Variants in KATNAL1 observed in about 807,000 individuals in gnomAD.
KATNAL1 encodes katanin catalytic subunit A1 like 1.
In KATNAL1, 32 loss-of-function variants were observed where a neutral mutation model predicts 55.2. The observed-to-expected ratio is 0.58, with a 90% CI of 0.44 to 0.78. KATNAL1 has a LOEUF of 0.78. KATNAL1 is among the 30% of genes least tolerant of loss of function. The pLI is 0.00. For missense variants in KATNAL1, 466 were observed against 600.9 expected (o/e 0.78, Z 2.35); for synonymous variants, 193 against 193.6 (o/e 1.00, Z 0.02).
In KATNAL1 at chr13:30,208,726, T is replaced by C; in HGVS notation, c.1287A>G (p.Leu429=). ...CATTGATACGCCGTCTCATTGCCAT[T>C]AAAGAGGCATCCCTAAAAATATACC... is the stretch of plus-strand genomic sequence containing the variant. ...DITNVCRDAS[L]MAMRRRINGL... is the part of the protein sequence containing the mutation. Residue 429 remains leucine, a synonymous_variant, in exon 11 of 11, where the codon TTA becomes TTG. Transcript: ENST00000380615. The C allele has an allele frequency of 2.5e-6, 4 of 1,608,498 alleles. No individual in the cohort carries two copies. Among genetic ancestry groups the C allele is most frequent in the Non-Finnish European group, 3.4e-6 (4 of 1,177,176 alleles).
chr13:30,242,624 G>A lies in KATNAL1; in HGVS notation c.493-1538C>T, dbSNP rs540758716. Among the ~76,000 whole-genome samples the A allele has an allele frequency of 3.3e-5, 5 of 152,226 alleles. No individual in the cohort carries two copies. The East Asian group carries it at 7.7e-4, about 23-fold the overall frequency. On this transcript the variant is annotated intron_variant, in intron 4 of 10. Coordinates refer to ENST00000380615, the MANE Select transcript of KATNAL1 (RefSeq NM_032116.5). ...GAAAGAGGTTGAAGATATGGGCAGA[G>A]GTGAGTTTGGATTTCTTCTGGCTCC...
At chr13:30,284,618 C>A (rs1423270768) in intron 1 of KATNAL1, among the ~76,000 whole-genome samples, 3 of 152,306 alleles carry the variant, frequency 2.0e-5, no homozygotes, top group Non-Finnish European at 4.4e-5. Flanking sequence ...TTGCCTCAAA[C>A]TTAAATCTAA....
chr13:30,248,982 G>A (rs1366641739), intron 4 of KATNAL1, among the ~76,000 whole-genome samples: 3 of 151,664 alleles, frequency 2.0e-5, no homozygotes, highest in South Asian at 2.1e-4. Context: ...TGGCGTGAAC[G>A]CAGGAGGCGG....
At chr13:30,264,242 C>T (rs1247624832) in intron 3 of KATNAL1, among the ~76,000 whole-genome samples, 5 of 148,218 alleles carry the variant, frequency 3.4e-5, no homozygotes, top group African/African-American at 7.5e-5. Flanking sequence ...GGATTAAAGA[C>T]TTAAATGTTA....
intron 3 of KATNAL1, among the ~76,000 whole-genome samples, chr13:30,275,989 C>A (rs563380681): frequency 6.6e-6 from 1 of 152,140 alleles, no homozygotes; most frequent in South Asian, 2.1e-4. Context: ...TCAGGTATTA[C>A]TGGAAGAAAC....
At chr13:30,304,914 C>T (rs569996446) in intron 1 of KATNAL1, among the ~76,000 whole-genome samples, 1 of 152,316 alleles carries the variant, frequency 6.6e-6, no homozygotes, top group Non-Finnish European at 1.5e-5. Flanking sequence ...AATCTAACTC[C>T]CAACATCCAA....
chr13:30,245,390 G>A (rs771850734), intron 4 of KATNAL1, among the ~76,000 whole-genome samples: 6 of 152,114 alleles, frequency 3.9e-5, no homozygotes, highest in African/African-American at 1.2e-4. Context: ...ACTAGGTATC[G>A]ATGGAACATA....
At chr13:30,228,892 A>G (rs764107934) in intron 8 of KATNAL1, among the ~76,000 whole-genome samples, 4 of 152,178 alleles carry the variant, frequency 2.6e-5, no homozygotes, top group Non-Finnish European at 5.9e-5. Flanking sequence ...AGCTGGGACT[A>G]CAGGCACATG....
At chr13:30,259,396 G>A (rs189504614) in intron 3 of KATNAL1, among the ~76,000 whole-genome samples, 27 of 152,046 alleles carry the variant, frequency 1.8e-4, no homozygotes, top group African/African-American at 5.3e-4. Context: ...GAACAGCTCC[G>A]GTCTACAGCT....
At chr13:30,290,841 G>A (rs148066486) in intron 1 of KATNAL1, among the ~76,000 whole-genome samples, 171 of 152,070 alleles carry the variant, frequency 1.1e-3, no homozygotes, top group African/African-American at 3.7e-3. Flanking sequence ...AATTTTAAGA[G>A]AATAAAAATG....
At chr13:30,280,563 CTAAA>C (rs1339123836) in intron 2 of KATNAL1, among the ~76,000 whole-genome samples, 3 of 152,026 alleles carry the variant, frequency 2.0e-5, no homozygotes, top group Non-Finnish European at 4.4e-5. Flanking sequence ...AAATATTGTG[CTAAA>C]TACTTTTAAT....
intron 4 of KATNAL1, 139 bp downstream of exon 4, chr13:30,255,308 C>CAAAA: frequency 1.6e-6 from 1 of 606,662 alleles, no homozygotes; most frequent in Non-Finnish European, 2.6e-6. Flanking sequence ...AATACAAAGA[C>CAAAA]TACTTAGGCT....
intron 1 of KATNAL1, among the ~76,000 whole-genome samples, chr13:30,293,456 C>G (rs1436843069): frequency 6.6e-6 from 1 of 152,162 alleles, no homozygotes; most frequent in East Asian, 1.9e-4. Context: ...CTTCATCCCT[C>G]CCAGTCAGTA....
At chr13:30,293,306 T>G (rs1236862650) in intron 1 of KATNAL1, among the ~76,000 whole-genome samples, 1 of 152,148 alleles carries the variant, frequency 6.6e-6, no homozygotes, top group Non-Finnish European at 1.5e-5. Flanking sequence ...ACTTTTTCCT[T>G]TTTTATTGAG....
At chr13:30,230,101 A>T (rs1875941632) in intron 8 of KATNAL1, among the ~76,000 whole-genome samples, 1 of 152,114 alleles carries the variant, frequency 6.6e-6, no homozygotes, top group African/African-American at 2.4e-5. Flanking sequence ...AGAGAATGAG[A>T]GTGAAAAAGA....
chr13:30,265,490 G>A (rs542054489), intron 3 of KATNAL1, among the ~76,000 whole-genome samples: 10 of 151,940 alleles, frequency 6.6e-5, no homozygotes, highest in African/African-American at 1.2e-4. Flanking sequence ...CACAGACAAC[G>A]TTATGATACA....
Position 30,206,443 on chromosome 13 carries a change from TA to T in KATNAL1, c.*2096del, listed in dbSNP as rs1873158121. On this transcript the variant is annotated 3_prime_UTR_variant, in exon 11 of 11. Coordinates refer to ENST00000380615, the MANE Select transcript of KATNAL1 (RefSeq NM_032116.5). ...AAATAAAAAGCACACCTGACTCACT[TA>T]ACATAGTAAAGTTAGGCTCCCAGGA... 6.6e-6 allele frequency: 1 copy of T among 152,248 alleles called. No individual in the cohort carries two copies. Among genetic ancestry groups the T allele is most frequent in the South Asian group, 2.1e-4 (1 of 4,818 alleles). 9.4% of individuals were successfully genotyped at this position (152,248 alleles called of 1,614,324 possible).
chr13:30,223,179 C>T (rs1593843288), intron 9 of KATNAL1, among the ~76,000 whole-genome samples: 1 of 152,020 alleles, frequency 6.6e-6, no homozygotes, highest in Non-Finnish European at 1.5e-5. Context: ...ACTGTACACA[C>T]CTGTAATCCC....
intron 3 of KATNAL1, among the ~76,000 whole-genome samples, chr13:30,266,334 C>G (rs183024168): frequency 6.6e-6 from 1 of 152,078 alleles, no homozygotes; most frequent in East Asian, 1.9e-4. Context: ...AATGCTTGGT[C>G]CCAATTACAA....
Sources: allele counts gnomAD v4.1 joint callset (sites outside exome capture counted in the v4.1 genomes callset), GRCh38; gene constraint gnomAD v4.1.1; transcripts MANE v1.5; gene names NCBI Gene and HGNC (gene_info 2026-07-23, HGNC 2026-07-21).